Variants in IQCH observed in about 807,000 individuals in gnomAD.
IQCH encodes the protein IQ motif containing H.
Under a neutral mutation model 117.0 loss-of-function variants are expected in IQCH, and 98 were observed. The observed-to-expected ratio is 0.84, with a 90% confidence interval of 0.71 to 0.99. IQCH has a LOEUF of 0.99. Ranked by LOEUF, IQCH falls within the 50% of genes least tolerant of loss-of-function variation. IQCH has a pLI of 0.00. For synonymous variants in IQCH, 412 were observed against 448.2 expected (o/e 0.92, Z 1.02); for missense variants, 1,102 against 1,243.8 (o/e 0.89, Z 1.72).
chr15:67,397,652 A>T (rs530921474), intron 13 of IQCH, among the ~76,000 whole-genome samples: 116 of 152,310 alleles, frequency 7.6e-4, no homozygotes, highest in African/African-American at 2.8e-3. Context: ...GAAAGCTGCG[A>T]TTATTTTAAC....
rs1340750434 is a variant in IQCH at position 67,493,882 on chromosome 15, C to T, written c.2862-376C>T. Among the ~76,000 whole-genome samples, 2 of 152,138 alleles carry T rather than the reference C, an allele frequency of 1.3e-5. No individual in the cohort carries two copies. Among genetic ancestry groups the T allele is most frequent in the African/African-American group, 2.4e-5 (1 of 41,406 alleles). On this transcript the variant is annotated intron_variant, in intron 19 of 20. Coordinates refer to ENST00000335894, the MANE Select transcript of IQCH (RefSeq NM_001031715.3). The surrounding 1 kb of genome is among the most constrained non-coding windows in gnomAD (Gnocchi z 5.1). ...GTCCAAGTGTTCTCACTGTTCAGTT[C>T]CCACCTATGAGTGAGAACATGCGGT...
At chr15:67,332,859 C>G (rs987172798) in intron 4 of IQCH, among the ~76,000 whole-genome samples, 2 of 152,114 alleles carry the variant, frequency 1.3e-5, no homozygotes, top group Non-Finnish European at 2.9e-5. Context: ...TGAGGGCAGG[C>G]CACCTGTTTT....
At chr15:67,304,435 A>G in intron 4 of IQCH, 9 of 1,519,782 alleles carry the variant, frequency 5.9e-6, no homozygotes, top group Non-Finnish European at 7.9e-6. Flanking sequence ...TTTGCCATAT[A>G]TTAATCAGAG....
intron 4 of IQCH, among the ~76,000 whole-genome samples, chr15:67,308,619 A>G (rs1967427550): frequency 6.6e-6 from 1 of 152,044 alleles, no homozygotes; most frequent in African/African-American, 2.4e-5. Context: ...CAAAGGAGTG[A>G]CTTTTCATGT....
At chr15:67,263,401 A>G (rs1965538736) in intron 3 of IQCH, among the ~76,000 whole-genome samples, 185 bp downstream of exon 3, 2 of 152,084 alleles carry the variant, frequency 1.3e-5, no homozygotes, top group Non-Finnish European at 2.9e-5. Flanking sequence ...AACATTGTTC[A>G]GGTGAGGGAT....
intron 4 of IQCH, among the ~76,000 whole-genome samples, chr15:67,322,465 C>G (rs1968179864): frequency 6.6e-6 from 1 of 152,074 alleles, no homozygotes; most frequent in Admixed American, 6.5e-5. Context: ...GTGTTTAGTT[C>G]ATTTCCATTT....
At position 67,395,455 on chromosome 15, in the gene IQCH, G is replaced by C; in HGVS notation, c.1797G>C (p.Glu599Asp). 6.2e-7 allele frequency: 1 copy of C among 1,614,064 alleles called. No homozygotes were observed. The highest frequency in any genetic ancestry group is 8.5e-7 in the Non-Finnish European group (1 of 1,179,982). ...TAGACATACCCATCCTGGGCTCTGA[G>C]CCTGAACTAGCTCATCTTTATAGTA... is the stretch of plus-strand genomic sequence containing the variant. Reference protein sequence around the residue: ...DMLDIPILGSEPELAHLYSTK... With the variant: ...DMLDIPILGSDPELAHLYSTK... Residue 599 changes from glutamate (E) to aspartate (D), a missense_variant, in exon 13 of 21, where the codon GAG becomes GAC. Physicochemically the swap from Glu to Asp is conservative, Grantham distance 45. Coordinates refer to ENST00000335894, the MANE Select transcript of IQCH (RefSeq NM_001031715.3). This position sits in a 1 kb window ranked among gnomAD's most constrained non-coding sequence, Gnocchi z 4.0.
rs1161882997 is a variant in IQCH, at chr15:67,424,944, A to AT, written c.2505+3375dup. The stretch of plus-strand genomic sequence containing the variant: ...TGGTATCACTTCAGAAAACATCTTA[A>AT]TTTTTTTTCTAATTGACATGCCTTG... On this transcript the variant is annotated intron_variant, in intron 16 of 20. Transcript: ENST00000335894. This position sits in a 1 kb window ranked among gnomAD's most constrained non-coding sequence, Gnocchi z 4.9. Among the ~76,000 whole-genome samples the AT allele has an allele frequency of 5.3e-5, 8 of 152,142 alleles. No homozygotes were observed. In the South Asian group the frequency reaches 1.7e-3, roughly 32 times the overall value.
At chr15:67,354,096 A>T (rs1170460792) in intron 6 of IQCH, among the ~76,000 whole-genome samples, 2 of 152,208 alleles carry the variant, frequency 1.3e-5, no homozygotes, top group African/African-American at 4.8e-5. Flanking sequence ...GGGGAAAAAA[A>T]GAGGAAAAGC....
intron 4 of IQCH, among the ~76,000 whole-genome samples, chr15:67,280,032 A>C (rs1364748785): frequency 6.6e-6 from 1 of 152,156 alleles, no homozygotes; most frequent in South Asian, 2.1e-4. Context: ...AAAAATGTGA[A>C]TTTTATGGTA....
chr15:67,307,783 A>T (rs1320277198), intron 4 of IQCH, among the ~76,000 whole-genome samples: 1 of 152,154 alleles, frequency 6.6e-6, no homozygotes, highest in Non-Finnish European at 1.5e-5. Context: ...TTAACAGATG[A>T]CTGTAGTCAG....
At chr15:67,313,304 T>A (rs1366782350) in intron 4 of IQCH, among the ~76,000 whole-genome samples, 1 of 152,160 alleles carries the variant, frequency 6.6e-6, no homozygotes, top group Admixed American at 6.6e-5. Context: ...ATTCTGGTGC[T>A]GTAAACCAAG....
At chr15:67,282,032 A>G in intron 4 of IQCH, 1 of 238,384 alleles carries the variant, frequency 4.2e-6, no homozygotes, top group South Asian at 4.9e-5. Flanking sequence ...GCTGAATAAG[A>G]CAGATCAGAT....
intron 4 of IQCH, among the ~76,000 whole-genome samples, chr15:67,302,984 T>C (rs377409517): frequency 6.6e-5 from 10 of 152,350 alleles, no homozygotes; most frequent in African/African-American, 1.4e-4. Context: ...TAGATATTTT[T>C]GTAGCCTTCT....
At chr15:67,419,496 G>A (rs1287399205) in intron 15 of IQCH, among the ~76,000 whole-genome samples, 1 of 152,100 alleles carries the variant, frequency 6.6e-6, no homozygotes, top group African/African-American at 2.4e-5. Flanking sequence ...GCCACAAAAT[G>A]TGCTAGGGTT....
chr15:67,420,703 T>C (rs2081714540), intron 15 of IQCH, among the ~76,000 whole-genome samples: 1 of 152,252 alleles, frequency 6.6e-6, no homozygotes, highest in Non-Finnish European at 1.5e-5. Context: ...AAAGCTCTCA[T>C]TATCAGCAGA....
At chr15:67,296,717 A>G (rs1966854755) in intron 4 of IQCH, among the ~76,000 whole-genome samples, 1 of 152,178 alleles carries the variant, frequency 6.6e-6, no homozygotes, top group East Asian at 1.9e-4. Flanking sequence ...ATGTGGCAGT[A>G]TGTTGTGATG....
chr15:67,450,078 A>C (rs2082484093), intron 16 of IQCH, among the ~76,000 whole-genome samples: 1 of 152,192 alleles, frequency 6.6e-6, no homozygotes, highest in Admixed American at 6.5e-5. Context: ...TTGATTTTGT[A>C]ACCTGAGACT....
At chr15:67,378,810 A>C (rs1215915548) in intron 10 of IQCH, among the ~76,000 whole-genome samples, 2 of 152,122 alleles carry the variant, frequency 1.3e-5, no homozygotes, top group Non-Finnish European at 2.9e-5. Context: ...GGAATTTTTC[A>C]CTATAAAAGA....
Sources: allele counts gnomAD v4.1 joint callset (sites outside exome capture counted in the v4.1 genomes callset), GRCh38; gene constraint gnomAD v4.1.1; non-coding constraint Gnocchi (gnomAD v3.1); transcripts MANE v1.5; gene names NCBI Gene and HGNC (gene_info 2026-07-23, HGNC 2026-07-21).